Variants in C12orf42 observed in about 807,000 individuals in gnomAD.
C12orf42 encodes uncharacterized protein C12orf42.
Under a neutral mutation model 21.6 loss-of-function variants are expected in C12orf42, and 25 were observed. The ratio of observed to expected loss-of-function variants is 1.16; its 90% CI spans 0.84 to 1.62. The LOEUF (loss-of-function observed/expected upper bound fraction) is 1.62, where lower values mean the gene tolerates loss of function less well. Among genes scored for constraint, C12orf42 ranks in the 40% most tolerant of loss-of-function variants. The pLI is 0.00. For missense variants in C12orf42, 483 were observed against 459.3 expected (o/e 1.05, Z -0.47); for synonymous variants, 174 against 175.0 (o/e 0.99, Z 0.05).
intron 4 of C12orf42, among the ~76,000 whole-genome samples, chr12:103,327,771 G>A (rs2136994153): frequency 6.6e-6 from 1 of 152,294 alleles, no homozygotes; most frequent in African/African-American, 2.4e-5. Flanking sequence ...AATGAATGTT[G>A]AAGAAAGGAG....
At chr12:103,123,870 C>T in the C12orf42 span, among the ~76,000 whole-genome samples, 1 of 151,900 alleles carries the variant, frequency 6.6e-6, no homozygotes, top group Non-Finnish European at 1.5e-5. Context: ...CTCACATGTA[C>T]TCACATTACA....
chr12:103,337,982 A>T (rs1407738918), intron 4 of C12orf42, among the ~76,000 whole-genome samples: 5 of 152,144 alleles, frequency 3.3e-5, no homozygotes, highest in African/African-American at 1.2e-4. Flanking sequence ...TTTCTACAGG[A>T]TATTTTGAAC....
chr12:103,421,324 C>G (rs932774082), intron 2 of C12orf42, among the ~76,000 whole-genome samples: 10 of 152,134 alleles, frequency 6.6e-5, no homozygotes, highest in African/African-American at 2.4e-4. Context: ...GTAATCACAA[C>G]TTTAGGAGAC....
At chr12:103,240,597 T>G (rs185556069) in intron 10 of C12orf42, among the ~76,000 whole-genome samples, 25 of 152,180 alleles carry the variant, frequency 1.6e-4, no homozygotes, top group African/African-American at 5.8e-4. Context: ...ATAGTTGGAG[T>G]CTTTATTTAA....
chr12:103,393,207 G>A (rs1199665496), intron 3 of C12orf42, among the ~76,000 whole-genome samples: 1 of 152,152 alleles, frequency 6.6e-6, no homozygotes, highest in Non-Finnish European at 1.5e-5. Flanking sequence ...AGGCTGTACA[G>A]GATGCATGGC....
Position 103,446,181 on chromosome 12 carries a change from C to A in C12orf42, c.78+32168G>T, listed in dbSNP as rs115958581. ...AGCATATTTCTCAGCAGAAACCCTA[C>A]GAGCTAGAAGGGATTGGGGTCCTAT... On this transcript the variant is annotated intron_variant, in intron 2 of 5. Coordinates refer to ENST00000548883, the MANE Select transcript of C12orf42 (RefSeq NM_198521.5). 5.5e-3 allele frequency among the ~76,000 whole-genome samples: 836 copies of A among 152,040 alleles called. 13 individuals are homozygous for A. Among genetic ancestry groups the A allele is most frequent in the African/African-American group, 0.019 (789 of 41,458 alleles).
intron 2 of C12orf42, among the ~76,000 whole-genome samples, chr12:103,451,117 C>T (rs572356334): frequency 6.6e-6 from 1 of 152,204 alleles, no homozygotes. Flanking sequence ...AATAGTTGAG[C>T]ACAACTTCAA....
At chr12:103,378,590 C>A (rs1043402024) in intron 3 of C12orf42, 1 of 152,204 alleles carries the variant, frequency 6.6e-6, no homozygotes, top group South Asian at 2.1e-4. Context: ...GGGATTCTAC[C>A]TCAGCCAATG....
the C12orf42 span, among the ~76,000 whole-genome samples, chr12:103,551,667 A>G: frequency 6.6e-6 from 1 of 152,120 alleles, no homozygotes; most frequent in Non-Finnish European, 1.5e-5. Context: ...AAACACAAAA[A>G]TTAGCTGGAG....
the C12orf42 span, among the ~76,000 whole-genome samples, chr12:103,113,813 T>C: frequency 6.6e-6 from 1 of 152,244 alleles, no homozygotes; most frequent in Non-Finnish European, 1.5e-5. Context: ...ATTCTTCCAA[T>C]ATATGTCTCA....
the C12orf42 span, among the ~76,000 whole-genome samples, chr12:103,555,010 T>C: frequency 2.0e-5 from 3 of 152,154 alleles, no homozygotes; most frequent in Non-Finnish European, 4.4e-5. Context: ...AAGCCCCCTG[T>C]CATGGTAGGC....
chr12:103,174,962 T>C, the C12orf42 span, among the ~76,000 whole-genome samples: 1 of 152,198 alleles, frequency 6.6e-6, no homozygotes, highest in Non-Finnish European at 1.5e-5. Context: ...GCCACACATA[T>C]GCTAATGTAT....
At chr12:103,220,370 A>C in the C12orf42 span, among the ~76,000 whole-genome samples, 1,076 of 152,290 alleles carry the variant, frequency 7.1e-3, 3 homozygotes, top group Non-Finnish European at 0.012. Context: ...CGTTCTGCAC[A>C]TGTATCCCAA....
intron 4 of C12orf42, among the ~76,000 whole-genome samples, chr12:103,342,227 G>A (rs117150378): frequency 0.05 from 7,560 of 152,126 alleles, 249 homozygotes; most frequent in Non-Finnish European, 0.075. Flanking sequence ...TAACTTGATG[G>A]GCTCCTCAAC....
the C12orf42 span, among the ~76,000 whole-genome samples, chr12:103,073,147 A>T: frequency 3.3e-5 from 5 of 152,112 alleles, no homozygotes; most frequent in African/African-American, 1.2e-4. Flanking sequence ...GGACATATAG[A>T]GGGGAACAAC....
chr12:103,095,472 T>C, the C12orf42 span, among the ~76,000 whole-genome samples: 3 of 152,164 alleles, frequency 2.0e-5, 1 homozygote, highest in Admixed American at 1.3e-4. Context: ...ACTCCTCTTG[T>C]AGATTTGGGT....
chr12:103,319,292 C>T (rs934931789), intron 4 of C12orf42, among the ~76,000 whole-genome samples: 9 of 152,100 alleles, frequency 5.9e-5, no homozygotes, highest in Admixed American at 4.6e-4. Context: ...GATGATCTTT[C>T]TTAAATGAAC....
the C12orf42 span, among the ~76,000 whole-genome samples, chr12:103,196,521 A>T: frequency 6.6e-6 from 1 of 152,140 alleles, no homozygotes; most frequent in African/African-American, 2.4e-5. Flanking sequence ...TCTGGCTAAT[A>T]CTATTAGTGG....
intron 1 of C12orf42, among the ~76,000 whole-genome samples, chr12:103,479,199 C>A (rs1281255202): frequency 6.6e-6 from 1 of 152,086 alleles, no homozygotes. Flanking sequence ...TAAAAGATCT[C>A]AGAATAGAAA....
Sources: allele counts gnomAD v4.1 joint callset (sites outside exome capture counted in the v4.1 genomes callset), GRCh38; gene constraint gnomAD v4.1.1; transcripts MANE v1.5; gene names NCBI Gene and HGNC (gene_info 2026-07-23, HGNC 2026-07-21).